Variants in MIB1 observed in about 807,000 individuals in gnomAD.
The protein encoded by MIB1 is E3 ubiquitin-protein ligase MIB1.
Under a neutral mutation model 124.5 loss-of-function variants are expected in MIB1, and 278 were observed. That is an observed-to-expected ratio of 2.23 (90% CI 2.02 to 2.47). The LOEUF (loss-of-function observed/expected upper bound fraction) is 2.47, where lower values mean the gene tolerates loss of function less well. Among genes scored for constraint, MIB1 ranks in the 30% most tolerant of loss-of-function variants. The pLI, the probability that MIB1 is intolerant of heterozygous loss-of-function variation, is 0.00. For synonymous variants in MIB1, 446 were observed against 429.4 expected (o/e 1.04, Z -0.48); for missense variants, 957 against 1,254.4 (o/e 0.76, Z 3.58).
intron 12 of MIB1, among the ~76,000 whole-genome samples, chr18:21,821,635 G>A (rs1198414169): frequency 2.1e-5 from 3 of 143,710 alleles, no homozygotes; most frequent in Non-Finnish European, 3.0e-5. Flanking sequence ...GTCTTGCTCT[G>A]TCACCCAGGC....
At chr18:21,749,828 G>A (rs1407136134) in intron 1 of MIB1, among the ~76,000 whole-genome samples, 4 of 151,684 alleles carry the variant, frequency 2.6e-5, no homozygotes, top group Non-Finnish European at 5.9e-5. Context: ...TTTCAGTAGA[G>A]ACCGTGTTTC....
intron 16 of MIB1, among the ~76,000 whole-genome samples, chr18:21,848,117 T>C (rs1164609138): frequency 6.6e-6 from 1 of 152,222 alleles, no homozygotes; most frequent in Non-Finnish European, 1.5e-5. Flanking sequence ...GTGAGGTATA[T>C]ACATTTCTTT....
intron 10 of MIB1, among the ~76,000 whole-genome samples, chr18:21,809,597 A>C (rs2041747591): frequency 6.6e-6 from 1 of 152,154 alleles, no homozygotes; most frequent in Non-Finnish European, 1.5e-5. Context: ...AAATGGTTTA[A>C]CATAGGAAAA....
At chr18:21,771,949 G>A (rs1013101826) in intron 3 of MIB1, among the ~76,000 whole-genome samples, 5 of 151,884 alleles carry the variant, frequency 3.3e-5, no homozygotes, top group African/African-American at 7.3e-5. Context: ...GCAGTGAGCC[G>A]AGATCGTGCC....
intron 1 of MIB1, among the ~76,000 whole-genome samples, chr18:21,721,143 T>C (rs2146358110): frequency 7.0e-6 from 1 of 142,424 alleles, no homozygotes; most frequent in East Asian, 2.3e-4. Context: ...TTGAAAGATT[T>C]AAACATTTTA....
intron 5 of MIB1, among the ~76,000 whole-genome samples, chr18:21,778,834 T>G (rs537795232): frequency 6.6e-6 from 1 of 152,258 alleles, no homozygotes; most frequent in Admixed American, 6.5e-5. Context: ...AAATTTACAT[T>G]TTTTAATGAG....
chr18:21,711,939 C>T (rs1341824076), intron 1 of MIB1: 2 of 152,648 alleles, frequency 1.3e-5, no homozygotes, highest in Non-Finnish European at 2.9e-5. Context: ...AGCAGTCCTC[C>T]TGCCTTGCCC....
At chr18:21,856,471 A>G in intron 18 of MIB1, among the ~76,000 whole-genome samples, 1 of 152,200 alleles carries the variant, frequency 6.6e-6, no homozygotes, top group East Asian at 1.9e-4. Flanking sequence ...ACATTGCATC[A>G]ATTTGATAAG....
intron 1 of MIB1, chr18:21,712,166 C>T (rs974992021): frequency 6.4e-6 from 1 of 155,068 alleles, no homozygotes; most frequent in Non-Finnish European, 1.4e-5. Context: ...AAACAACAGA[C>T]CTAAAGCAGC....
Position 21,741,816 on chromosome 18 carries a change from A to C in MIB1, c.229+4A>C. Reference sequence around the variant, plus strand: ...ATCCTGGACAGCGCGCCCACCGGTAAGCCGCGGCCACCTGGCCAGGGCTTG... The same window carrying C: ...ATCCTGGACAGCGCGCCCACCGGTACGCCGCGGCCACCTGGCCAGGGCTTG... On this transcript the variant is annotated splice_donor_region_variant and intron_variant, in intron 1 of 20. Coordinates refer to ENST00000261537, the MANE Select transcript of MIB1 (RefSeq NM_020774.4). This position sits in a 1 kb window ranked among gnomAD's most constrained non-coding sequence, Gnocchi z 5.4. The C allele has an allele frequency of 2.5e-6, 4 of 1,589,858 alleles. No individual in the cohort carries two copies. Among genetic ancestry groups the C allele is most frequent in the Non-Finnish European group, 3.4e-6 (4 of 1,169,016 alleles).
At chr18:21,714,475 C>G (rs1014897235) in intron 1 of MIB1, among the ~76,000 whole-genome samples, 2 of 152,124 alleles carry the variant, frequency 1.3e-5, no homozygotes, top group Non-Finnish European at 2.9e-5. Flanking sequence ...AATTAGCTCC[C>G]CCATCTCTGT....
Position 21,765,759 on chromosome 18 carries a change from C to T in MIB1, c.230-13C>T, listed in dbSNP as rs374307694. On this transcript the variant is annotated splice_polypyrimidine_tract_variant and intron_variant, in intron 1 of 20. Coordinates refer to ENST00000261537, the MANE Select transcript of MIB1 (RefSeq NM_020774.4). ...TTTGTGATTAATCTGAGCATGTGTC[C>T]TTGTTTTAATAGGCATCAAGCATGA... The T allele has an allele frequency of 4.4e-6, 7 of 1,607,042 alleles. No homozygotes were observed. The highest frequency in any genetic ancestry group is 3.3e-4 in the Middle Eastern group (2 of 6,050).
At chr18:21,798,307 A>C (rs2041609716) in intron 8 of MIB1, 79 bp downstream of exon 8, 1 of 1,389,976 alleles carries the variant, frequency 7.2e-7, no homozygotes. Flanking sequence ...TCTCATATAC[A>C]GATAATGTTG....
intron 4 of MIB1, among the ~76,000 whole-genome samples, chr18:21,776,353 A>G (rs1225160972): frequency 7.2e-5 from 11 of 152,096 alleles, no homozygotes; most frequent in Admixed American, 5.9e-4. Context: ...AAGATGCTAT[A>G]AAAGAGTTGG....
chr18:21,778,813 A>T (rs2041323766), intron 5 of MIB1, among the ~76,000 whole-genome samples: 1 of 151,980 alleles, frequency 6.6e-6, no homozygotes, highest in Non-Finnish European at 1.5e-5. Flanking sequence ...AAAAAAGGAG[A>T]ATGCATAAAA....
intron 18 of MIB1, among the ~76,000 whole-genome samples, chr18:21,855,408 G>A (rs1490572090): frequency 6.6e-6 from 1 of 152,188 alleles, no homozygotes; most frequent in Non-Finnish European, 1.5e-5. Context: ...AGAGAAGATA[G>A]AAGCAAAGAT....
chr18:21,749,641 CTTTT>C (rs10653364), intron 1 of MIB1, among the ~76,000 whole-genome samples: 9 of 114,584 alleles, frequency 7.9e-5, no homozygotes, highest in Admixed American at 1.8e-4. Context: ...CTACCTTACT[CTTTT>C]TTTTTTTTTT....
At chr18:21,791,667 C>A in intron 7 of MIB1, 110 bp downstream of exon 7, 1 of 848,530 alleles carries the variant, frequency 1.2e-6, no homozygotes, top group Non-Finnish European at 1.8e-6. Context: ...TAGAATTGTA[C>A]TCTCCATTTG....
chr18:21,792,328 A>G (rs1177784274), intron 7 of MIB1, among the ~76,000 whole-genome samples: 1 of 151,450 alleles, frequency 6.6e-6, no homozygotes, highest in Non-Finnish European at 1.5e-5. Flanking sequence ...CATGTACTTC[A>G]TCTCACATCC....
Sources: allele counts gnomAD v4.1 joint callset (sites outside exome capture counted in the v4.1 genomes callset), GRCh38; gene constraint gnomAD v4.1.1; non-coding constraint Gnocchi (gnomAD v3.1); transcripts MANE v1.5; gene names NCBI Gene and HGNC (gene_info 2026-07-23, HGNC 2026-07-21).